The following ISM1 variants were observed in gnomAD, a reference collection of about 807,000 sequenced individuals.
ISM1 encodes the protein isthmin 1.
ISM1 carries 25 observed loss-of-function variants against 46.3 expected under a neutral mutation model. The observed-to-expected ratio is 0.54, with a 90% confidence interval of 0.39 to 0.75. ISM1 has a LOEUF of 0.75. Ranked by LOEUF, ISM1 falls within the 30% of genes least tolerant of loss-of-function variation. The pLI is 0.00. For synonymous variants in ISM1, 255 were observed against 256.7 expected, an observed-to-expected ratio of 0.99 and a Z score of 0.06; for missense variants, 536 against 625.4, an observed-to-expected ratio of 0.86 and a Z score of 1.52.
chr20:13,221,910 T>C lies in ISM1; in HGVS notation c.134T>C (p.Leu45Pro), dbSNP rs2039453814. The C allele has an allele frequency of 1.5e-6, 2 of 1,347,804 alleles. No homozygotes were observed. The highest frequency in any genetic ancestry group is 1.9e-6 in the Non-Finnish European group (2 of 1,057,602). The allele number at this position is 1,347,804 out of a possible 1,614,324, so 83.5% of individuals were successfully genotyped here. ...AAAGNASQAQ[L>P]QNNLNVGSDT... The stretch of plus-strand genomic sequence containing the variant: ...GCGGGCAACGCCAGCCAAGCCCAGC[T>C]GCAGGTGAGTGCGCCGCCGGAGAGG... Residue 45 changes from leucine to proline, a missense_variant, in exon 1 of 6, where the codon CTG (leucine) becomes CCG (proline). By Grantham distance (98) the Leu-to-Pro change is moderately conservative. Around this residue, in one of 2 missense-constraint regions of ISM1, gnomAD observed 367 missense variants for 376.1 expected, o/e 0.98. Coordinates refer to ENST00000262487, the MANE Select transcript of ISM1 (RefSeq NM_080826.2).
chr20:13,231,693 T>C (rs538187237), intron 1 of ISM1, among the ~76,000 whole-genome samples: 1 of 152,276 alleles, frequency 6.6e-6, no homozygotes, highest in South Asian at 2.1e-4. Flanking sequence ...CACAGAGCAC[T>C]CTCTATGGCT....
intron 3 of ISM1, among the ~76,000 whole-genome samples, chr20:13,284,825 T>A (rs6041993): frequency 0.042 from 6,369 of 152,050 alleles, 404 homozygotes; most frequent in African/African-American, 0.14. Context: ...ATGAAAAAAA[T>A]GTTTGGAAAT....
chr20:13,229,817 A>G (rs926331923), intron 1 of ISM1, among the ~76,000 whole-genome samples: 2 of 152,054 alleles, frequency 1.3e-5, no homozygotes, highest in East Asian at 3.9e-4. Flanking sequence ...CACTTGTTTC[A>G]TATCTACCAG....
chr20:13,227,357 C>A (rs1287650767), intron 1 of ISM1, among the ~76,000 whole-genome samples: 1 of 151,584 alleles, frequency 6.6e-6, no homozygotes, highest in Admixed American at 6.6e-5. Flanking sequence ...GCACATGCCA[C>A]CATGCCTAGC....
intron 1 of ISM1, 92 bp downstream of exon 1, chr20:13,222,006 C>T (rs1211483094): frequency 4.3e-6 from 5 of 1,168,454 alleles, no homozygotes; most frequent in Admixed American, 8.6e-5. Flanking sequence ...TGCAGGGAGG[C>T]AGGTCCCCTG....
downstream of ISM1, among the ~76,000 whole-genome samples, chr20:13,300,856 A>C (rs10854236): frequency 0.17 from 25,357 of 148,726 alleles, 2,376 homozygotes; most frequent in Admixed American, 0.24. Flanking sequence ...CCATTGACAC[A>C]TGTGTGACTT....
At chr20:13,321,931 C>T in the ISM1 span, among the ~76,000 whole-genome samples, 1 of 152,158 alleles carries the variant, frequency 6.6e-6, no homozygotes, top group East Asian at 1.9e-4. Flanking sequence ...TTAACTTCTC[C>T]ATGCCTTCGT....
chr20:13,292,140 T>C (rs16993907), intron 4 of ISM1, among the ~76,000 whole-genome samples: 1 of 152,208 alleles, frequency 6.6e-6, no homozygotes. Context: ...TTCCTAGGAC[T>C]TATTCAGGCA....
intron 1 of ISM1, among the ~76,000 whole-genome samples, chr20:13,223,135 C>T (rs1272770020): frequency 2.7e-5 from 4 of 148,300 alleles, no homozygotes; most frequent in Non-Finnish European, 4.4e-5. Context: ...CCAGCCTGGG[C>T]GACAGAGCGA....
chr20:13,240,801 G>A (rs75908785), intron 1 of ISM1, among the ~76,000 whole-genome samples: 2 of 152,162 alleles, frequency 1.3e-5, no homozygotes, highest in African/African-American at 4.8e-5. Context: ...TTCTGAGACA[G>A]AGCCAACAGG....
At position 13,299,527 on chromosome 20, in the gene ISM1, C is replaced by A. The variant is rs766727666; in HGVS notation, c.*68C>A. 17 of 1,400,728 alleles carry A rather than the reference C, an allele frequency of 1.2e-5. No individual in the cohort carries two copies. Among genetic ancestry groups the A allele is most frequent in the Non-Finnish European group, 1.6e-5 (16 of 1,031,250 alleles). The allele number at this position is 1,400,728 out of a possible 1,614,324, so 86.8% of individuals were successfully genotyped here. Reference sequence around the variant, plus strand: ...GCACACACGTGCTGCACTGACGTGCCGACTGGCGCCGAGACCTTCATAGCT... The same window carrying A: ...GCACACACGTGCTGCACTGACGTGCAGACTGGCGCCGAGACCTTCATAGCT... On this transcript the variant is annotated 3_prime_UTR_variant, in exon 6 of 6. Transcript: ENST00000262487. The surrounding 1 kb of genome is among the most constrained non-coding windows in gnomAD (Gnocchi z 5.8).
intron 2 of ISM1, among the ~76,000 whole-genome samples, chr20:13,273,146 C>A (rs1360331116): frequency 6.6e-6 from 1 of 152,128 alleles, no homozygotes; most frequent in Non-Finnish European, 1.5e-5. Flanking sequence ...TTGGGATCCC[C>A]TTTCTGTCTT....
At chr20:13,290,689 TA>T (rs1343992561) in intron 4 of ISM1, among the ~76,000 whole-genome samples, 2 of 151,840 alleles carry the variant, frequency 1.3e-5, no homozygotes, top group African/African-American at 4.8e-5. Flanking sequence ...AAAATGAAGA[TA>T]AAGGTGAAGA....
chr20:13,293,167 T>G (rs908624683), intron 5 of ISM1, among the ~76,000 whole-genome samples: 2 of 141,338 alleles, frequency 1.4e-5, no homozygotes, highest in African/African-American at 5.4e-5. Flanking sequence ...GCCACTGCAC[T>G]CCAGCACTCC....
rs200769681 is a variant in ISM1, at chr20:13,223,006, T to C, written c.138+1092T>C. Among the ~76,000 whole-genome samples the C allele has an allele frequency of 1.7e-4, 26 of 151,910 alleles. No individual in the cohort carries two copies. In the East Asian group the frequency reaches 3.3e-3, roughly 19 times the overall value. On this transcript the variant is annotated intron_variant, in intron 1 of 5. Coordinates refer to ENST00000262487, the MANE Select transcript of ISM1 (RefSeq NM_080826.2). ...GGTGAAACCCCGTCTCTACTAAAAATACAAAAATTAGCTGGGCGTGGTGGC... is the reference window on the plus strand; with the variant it reads ...GGTGAAACCCCGTCTCTACTAAAAACACAAAAATTAGCTGGGCGTGGTGGC...
Position 13,270,721 on chromosome 20 carries a change from A to G in ISM1, c.356A>G (p.Asn119Ser), listed in dbSNP as rs779047778. 1.9e-6 allele frequency: 3 copies of G among 1,613,888 alleles called. No individual in the cohort carries two copies. In the East Asian group the frequency reaches 6.7e-5, roughly 36 times the overall value. Residue 119 changes from asparagine (N) to serine (S), a missense_variant, in exon 2 of 6, where the codon AAT becomes AGT. Transcript: ENST00000262487. ...NFPDLSKADINGQNPNIQVTI... is the reference protein window; with the variant it reads ...NFPDLSKADISGQNPNIQVTI... ...CCAGATCTTTCCAAAGCTGATATCA[A>G]TGGGCAGAATCCAAATATCCAGGTA... is the stretch of plus-strand genomic sequence containing the variant.
At chr20:13,237,131 A>G (rs6109770) in intron 1 of ISM1, among the ~76,000 whole-genome samples, 40,710 of 152,132 alleles carry the variant, frequency 0.27, 5,703 homozygotes, top group African/African-American at 0.36. Context: ...GCACACATGA[A>G]GTCCCTCCCA....
intron 1 of ISM1, among the ~76,000 whole-genome samples, chr20:13,266,687 G>C (rs1007766606): frequency 1.3e-5 from 2 of 152,152 alleles, no homozygotes; most frequent in African/African-American, 2.4e-5. Context: ...GAATTCAATG[G>C]CATTTTGGAA....
Position 13,221,879 on chromosome 20 carries a change from G to C in ISM1, c.103G>C (p.Ala35Pro). Reference protein sequence around the residue: ...RGSGAADGPDAAAGNASQAQL... With the variant: ...RGSGAADGPDPAAGNASQAQL... ...CTCGGGAGCCGCCGACGGGCCCGAC[G>C]CGGCCGCGGGCAACGCCAGCCAAGC... Residue 35 changes from alanine to proline, a missense_variant, in exon 1 of 6, where the codon GCG becomes CCG. Physicochemically the swap from Ala to Pro is conservative, Grantham distance 27 (BLOSUM62 -1). Transcript: ENST00000262487. 2 of 1,407,754 alleles carry C rather than the reference G, an allele frequency of 1.4e-6. No individual in the cohort carries two copies. Among genetic ancestry groups the C allele is most frequent in the Non-Finnish European group, 1.8e-6 (2 of 1,087,270 alleles). The allele number at this position is 1,407,754 out of a possible 1,614,324, so 87.2% of individuals were successfully genotyped here.
Sources: allele counts gnomAD v4.1 joint callset (sites outside exome capture counted in the v4.1 genomes callset), GRCh38; gene constraint gnomAD v4.1.1; regional missense constraint gnomAD v4.1.1; non-coding constraint Gnocchi (gnomAD v3.1); transcripts MANE v1.5; gene names NCBI Gene and HGNC (gene_info 2026-07-23, HGNC 2026-07-21).